The following FRMD4A variants were observed in gnomAD, a reference collection of about 807,000 sequenced individuals.
The protein encoded by FRMD4A is FERM domain-containing protein 4A.
FRMD4A carries 29 observed loss-of-function variants against 129.1 expected under a neutral mutation model. The ratio of observed to expected loss-of-function variants is 0.22; its 90% CI spans 0.17 to 0.31. FRMD4A has a LOEUF of 0.31. Ranked by LOEUF, FRMD4A falls within the 10% of genes least tolerant of loss-of-function variation. The pLI is 1.00. For synonymous variants in FRMD4A, 634 were observed against 571.6 expected (o/e 1.11, Z -1.56); for missense variants, 1,272 against 1,375.8 (o/e 0.92, Z 1.19).
At chr10:13,777,208 G>C (rs959314827) in intron 6 of FRMD4A, among the ~76,000 whole-genome samples, 2 of 152,198 alleles carry the variant, frequency 1.3e-5, no homozygotes, top group Non-Finnish European at 2.9e-5. Context: ...GGTTACACAG[G>C]CTATCCAGCC....
At chr10:13,648,314 C>G (rs1589175248) in intron 24 of FRMD4A, 2 of 152,058 alleles carry the variant, frequency 1.3e-5, no homozygotes, top group African/African-American at 4.8e-5. Context: ...GACACCTGTC[C>G]TGCAAACTTT....
At chr10:13,868,371 G>T (rs536149222) in intron 2 of FRMD4A, among the ~76,000 whole-genome samples, 1 of 152,006 alleles carries the variant, frequency 6.6e-6, no homozygotes, top group African/African-American at 2.4e-5. Context: ...GTAAGATGAC[G>T]ATGGAAGGAA....
intron 3 of FRMD4A, among the ~76,000 whole-genome samples, chr10:13,843,425 C>T (rs539553111): frequency 1.3e-5 from 2 of 152,184 alleles, no homozygotes; most frequent in African/African-American, 2.4e-5. Context: ...AGTCCGGAAT[C>T]GAGGAGTGGG....
At chr10:13,753,539 C>CTT (rs2091726102) in intron 8 of FRMD4A, among the ~76,000 whole-genome samples, 1 of 113,142 alleles carries the variant, frequency 8.8e-6, no homozygotes, top group African/African-American at 3.3e-5. Flanking sequence ...ATGTACCTTT[C>CTT]TATTTTTTTT....
At chr10:13,739,937 TA>T (rs1250106079) in intron 11 of FRMD4A, among the ~76,000 whole-genome samples, 1 of 152,140 alleles carries the variant, frequency 6.6e-6, no homozygotes, top group Non-Finnish European at 1.5e-5. Flanking sequence ...TCGTCTCTAC[TA>T]AAAATACAAA....
intron 2 of FRMD4A, among the ~76,000 whole-genome samples, chr10:13,898,866 T>C (rs1267977057): frequency 1.3e-5 from 2 of 152,168 alleles, no homozygotes; most frequent in Non-Finnish European, 2.9e-5. Flanking sequence ...AAGCCTCTTA[T>C]TGAAGCTGTT....
intron 15 of FRMD4A, 63 bp downstream of exon 15, chr10:13,693,835 C>T (rs780650531): frequency 5.1e-6 from 8 of 1,561,652 alleles, no homozygotes; most frequent in Non-Finnish European, 6.2e-6. Flanking sequence ...CCCCACCTTC[C>T]TGGGTCCCCT....
chr10:14,227,443 G>A (rs553660412), intron 2 of FRMD4A, among the ~76,000 whole-genome samples: 1 of 151,654 alleles, frequency 6.6e-6, no homozygotes, highest in African/African-American at 2.4e-5. Context: ...GTAGAGATGA[G>A]GTTTCGCCAT....
At chr10:14,169,365 A>G (rs776635679) in intron 2 of FRMD4A, among the ~76,000 whole-genome samples, 1 of 152,140 alleles carries the variant, frequency 6.6e-6, no homozygotes, top group Non-Finnish European at 1.5e-5. Context: ...CACACAAATT[A>G]TAGGCTGTGA....
At chr10:14,185,523 G>A (rs551747930) in intron 2 of FRMD4A, among the ~76,000 whole-genome samples, 22 of 152,290 alleles carry the variant, frequency 1.4e-4, no homozygotes, top group East Asian at 5.8e-4. Flanking sequence ...GAGGTTTGTT[G>A]TAGAACTATG....
At chr10:13,767,165 T>G (rs1404246703) in intron 6 of FRMD4A, among the ~76,000 whole-genome samples, 2 of 152,142 alleles carry the variant, frequency 1.3e-5, no homozygotes, top group Non-Finnish European at 2.9e-5. Context: ...CTAGCAGAAA[T>G]GTGCTCCCAT....
chr10:13,710,608 T>C (rs1298781686), intron 12 of FRMD4A: 1 of 152,256 alleles, frequency 6.6e-6, no homozygotes, highest in African/African-American at 2.4e-5. Context: ...TGATGCTTGC[T>C]TTAAGCATGA....
intron 2 of FRMD4A, among the ~76,000 whole-genome samples, chr10:14,215,254 C>T (rs1213684901): frequency 6.6e-6 from 1 of 152,156 alleles, no homozygotes; most frequent in African/African-American, 2.4e-5. Context: ...CAGCGAAAAA[C>T]AAGCCAGGCC....
chr10:13,702,540 A>ATATGTG (rs1554852830), intron 13 of FRMD4A, among the ~76,000 whole-genome samples: 116 of 107,824 alleles, frequency 1.1e-3, no homozygotes, highest in Admixed American at 1.9e-3. Context: ...GTGTGTTTGC[A>ATATGTG]TGTGTGTGTG....
At chr10:13,948,318 C>T (rs1307583630) in intron 2 of FRMD4A, among the ~76,000 whole-genome samples, 3 of 152,008 alleles carry the variant, frequency 2.0e-5, no homozygotes, top group Admixed American at 6.6e-5. Context: ...TCCCAAAGTG[C>T]TGGGATTACT....
intron 2 of FRMD4A, among the ~76,000 whole-genome samples, chr10:14,055,462 A>AAAC (rs1834476848): frequency 2.6e-5 from 2 of 77,430 alleles, no homozygotes; most frequent in African/African-American, 1.1e-4. Flanking sequence ...CACACACACA[A>AAAC]ACACACACAC....
chr10:13,950,468 G>T (rs1048179853), intron 2 of FRMD4A, among the ~76,000 whole-genome samples: 1 of 152,310 alleles, frequency 6.6e-6, no homozygotes, highest in East Asian at 1.9e-4. Flanking sequence ...TCCCACTAGA[G>T]GTGCCTATGG....
At chr10:14,197,865 C>T (rs1424207002) in intron 2 of FRMD4A, among the ~76,000 whole-genome samples, 2 of 152,212 alleles carry the variant, frequency 1.3e-5, no homozygotes, top group Admixed American at 6.5e-5. Flanking sequence ...ACAAATCCCA[C>T]AGTAATTTCC....
At chr10:13,750,611 A>G (rs1337911269) in intron 8 of FRMD4A, among the ~76,000 whole-genome samples, 2 of 152,218 alleles carry the variant, frequency 1.3e-5, no homozygotes, top group East Asian at 3.8e-4. Context: ...CCTGAGGGGA[A>G]CACGGACAGA....
Sources: allele counts gnomAD v4.1 joint callset (sites outside exome capture counted in the v4.1 genomes callset), GRCh38; gene constraint gnomAD v4.1.1; transcripts MANE v1.5; gene names NCBI Gene and HGNC (gene_info 2026-07-23, HGNC 2026-07-21).